The following MRPS18A variants were observed in gnomAD, a reference collection of about 807,000 sequenced individuals.
The protein encoded by MRPS18A is mitochondrial ribosomal protein S18A.
MRPS18A carries 20 observed loss-of-function variants against 22.7 expected under a neutral mutation model. The observed-to-expected ratio is 0.88, with a 90% CI of 0.62 to 1.28. The LOEUF (loss-of-function observed/expected upper bound fraction) is 1.28, where lower values mean the gene tolerates loss of function less well. Ranked by LOEUF, MRPS18A falls within the 50% of genes most tolerant of loss-of-function variation. MRPS18A has a pLI of 0.00. For synonymous variants in MRPS18A, 106 were observed against 99.1 expected (o/e 1.07, Z -0.41); for missense variants, 294 against 262.6 (o/e 1.12, Z -0.83).
chr6:43,672,827 T>C (rs1369924898), intron 5 of MRPS18A, among the ~76,000 whole-genome samples: 1 of 152,228 alleles, frequency 6.6e-6, no homozygotes, highest in Admixed American at 6.5e-5. Context: ...GACCTTGGTC[T>C]TCTGCTGCCA....
At chr6:43,675,067 A>C (rs1393578789) in intron 5 of MRPS18A, 135 bp downstream of exon 5, 2 of 725,916 alleles carry the variant, frequency 2.8e-6, no homozygotes, top group East Asian at 2.9e-5. Flanking sequence ...GCAACAGAAG[A>C]AGCGAAGACT....
intron 4 of MRPS18A, 100 bp downstream of exon 4, chr6:43,675,394 A>G (rs1366287093): frequency 6.2e-7 from 1 of 1,603,288 alleles, no homozygotes; most frequent in Admixed American, 1.7e-5. Context: ...AACACTCCGG[A>G]TATCCACTTT....
At chr6:43,674,922 C>T (rs1305512586) in intron 5 of MRPS18A, among the ~76,000 whole-genome samples, 1 of 152,190 alleles carries the variant, frequency 6.6e-6, no homozygotes, top group Non-Finnish European at 1.5e-5. Flanking sequence ...GTACTGACAT[C>T]CCCATAGCCA....
intron 1 of MRPS18A, among the ~76,000 whole-genome samples, chr6:43,684,368 G>A (rs566431970): frequency 5.3e-5 from 8 of 152,156 alleles, no homozygotes; most frequent in African/African-American, 1.4e-4. Context: ...ATAGTCTTAT[G>A]TAGGGTCAGG....
chr6:43,681,510 G>C (rs1022198010), intron 1 of MRPS18A, among the ~76,000 whole-genome samples: 1 of 152,224 alleles, frequency 6.6e-6, no homozygotes, highest in African/African-American at 2.4e-5. Context: ...GTACGCAGGC[G>C]GTGTGTGTTC....
At chr6:43,682,628 T>C (rs1774480021) in intron 1 of MRPS18A, among the ~76,000 whole-genome samples, 1 of 152,184 alleles carries the variant, frequency 6.6e-6, no homozygotes, top group South Asian at 2.1e-4. Context: ...GGTTTTTCCA[T>C]GTAAAAGAAA....
At chr6:43,679,708 G>C (rs1774280203) in intron 2 of MRPS18A, among the ~76,000 whole-genome samples, 1 of 152,154 alleles carries the variant, frequency 6.6e-6, no homozygotes, top group African/African-American at 2.4e-5. Flanking sequence ...GTGGCACAGG[G>C]GAAAGGGGCT....
intron 1 of MRPS18A, among the ~76,000 whole-genome samples, chr6:43,685,227 T>C (rs1774629849): frequency 1.3e-5 from 2 of 152,218 alleles, no homozygotes; most frequent in African/African-American, 2.4e-5. Flanking sequence ...ACTGAATAAA[T>C]GTATGTGGAA....
Position 43,671,298 on chromosome 6 carries a change from C to A in MRPS18A, c.*464G>T. 2.2e-6 allele frequency: 1 copy of A among 458,982 alleles called. No individual in the cohort carries two copies. Among genetic ancestry groups the A allele is most frequent in the Non-Finnish European group, 4.0e-6 (1 of 251,310 alleles). The allele number at this position is 458,982 out of a possible 1,614,324, so 28.4% of individuals were successfully genotyped here. On this transcript the variant is annotated 3_prime_UTR_variant, in exon 6 of 6. Coordinates refer to ENST00000372133, the MANE Select transcript of MRPS18A (RefSeq NM_018135.4). Reference sequence around the variant, plus strand: ...CAGCTCTCCCACAGTAAGGAGCTCACAGCTGTCATGAAGAGGATGGGACCT... The same window carrying A: ...CAGCTCTCCCACAGTAAGGAGCTCAAAGCTGTCATGAAGAGGATGGGACCT...
chr6:43,682,116 G>A (rs932030294), intron 1 of MRPS18A, among the ~76,000 whole-genome samples: 4 of 152,138 alleles, frequency 2.6e-5, no homozygotes, highest in African/African-American at 9.7e-5. Flanking sequence ...ACCAGCCTGC[G>A]CAATGTGGCA....
rs1488602886 is a variant in MRPS18A, at chr6:43,673,737, G to A, written c.446+1465C>T. ...AAGCATGGCTCCGCCAGGCCCCAGCGGAGCCTGGGCCCATGCATGGCAGCA... is the reference window on the plus strand; with the variant it reads ...AAGCATGGCTCCGCCAGGCCCCAGCAGAGCCTGGGCCCATGCATGGCAGCA... On this transcript the variant is annotated intron_variant, in intron 5 of 5. Transcript: ENST00000372133. The surrounding 1 kb of genome is among the most constrained non-coding windows in gnomAD (Gnocchi z 4.2). 2.6e-5 allele frequency among the ~76,000 whole-genome samples: 4 copies of A among 152,214 alleles called. No homozygotes were observed. The highest frequency in any genetic ancestry group is 2.6e-4 in the Admixed American group (4 of 15,288).
chr6:43,681,013 C>G (rs749555378), intron 2 of MRPS18A, 76 bp downstream of exon 2: 45 of 1,471,616 alleles, frequency 3.1e-5, no homozygotes, highest in Non-Finnish European at 4.2e-5. Context: ...GTTTGGGCCC[C>G]TCCCTCCCTC....
chr6:43,675,048 G>C (rs939444832), intron 5 of MRPS18A, among the ~76,000 whole-genome samples, 154 bp downstream of exon 5: 1 of 152,188 alleles, frequency 6.6e-6, no homozygotes, highest in African/African-American at 2.4e-5. Flanking sequence ...GCTGAGGTTG[G>C]CAAAGAAGGC....
At chr6:43,676,052 T>C (rs1439847298) in intron 3 of MRPS18A, among the ~76,000 whole-genome samples, 2 of 152,078 alleles carry the variant, frequency 1.3e-5, no homozygotes, top group African/African-American at 2.4e-5. Flanking sequence ...GGTCTCGCTA[T>C]GTTGCCCAGG....
At chr6:43,678,096 G>C (rs3778492) in intron 3 of MRPS18A, among the ~76,000 whole-genome samples, 3 of 151,818 alleles carry the variant, frequency 2.0e-5, no homozygotes, top group Non-Finnish European at 4.4e-5. Flanking sequence ...TCTGAGGCAC[G>C]ACCAGACCAC....
At chr6:43,681,748 G>A (rs1156630463) in intron 1 of MRPS18A, among the ~76,000 whole-genome samples, 2 of 152,192 alleles carry the variant, frequency 1.3e-5, no homozygotes, top group Non-Finnish European at 2.9e-5. Context: ...GGAATAAGGA[G>A]CATGAAGATA....
intron 3 of MRPS18A, among the ~76,000 whole-genome samples, chr6:43,677,025 A>G (rs1774092338): frequency 2.6e-5 from 4 of 152,316 alleles, no homozygotes; most frequent in Admixed American, 2.0e-4. Flanking sequence ...TAAGAGGAAA[A>G]ACAACTTTAG....
chr6:43,679,864 G>T (rs1325435535), intron 2 of MRPS18A, among the ~76,000 whole-genome samples: 1 of 152,128 alleles, frequency 6.6e-6, no homozygotes, highest in African/African-American at 2.4e-5. Flanking sequence ...GGGGTTGGGG[G>T]TGGGGAGAGC....
At chr6:43,685,899 G>A (rs1229217289) in intron 1 of MRPS18A, among the ~76,000 whole-genome samples, 3 of 152,298 alleles carry the variant, frequency 2.0e-5, no homozygotes, top group Non-Finnish European at 4.4e-5. Context: ...CCTTCATGTA[G>A]AATCATATTA....
Sources: gnomAD v4.1 joint callset for allele counts (sites outside exome capture counted in the v4.1 genomes callset) on GRCh38, gnomAD v4.1.1 for gene constraint, Gnocchi (gnomAD v3.1) non-coding constraint, MANE v1.5 for transcripts, NCBI Gene and HGNC (gene_info 2026-07-23, HGNC 2026-07-21) for gene names.